The following ACSL3 variants were observed in gnomAD, a reference collection of about 807,000 sequenced individuals.
ACSL3 encodes the protein acyl-CoA synthetase long chain family member 3.
ACSL3 carries 34 observed loss-of-function variants against 84.7 expected under a neutral mutation model. That is an observed-to-expected ratio of 0.40 (90% CI 0.31 to 0.53). The LOEUF is 0.53. Ranked by LOEUF, ACSL3 falls within the 20% of genes least tolerant of loss-of-function variation. ACSL3 has a pLI of 0.48. For synonymous variants in ACSL3, 315 were observed against 299.4 expected, an observed-to-expected ratio of 1.05 and a Z score of -0.54; for missense variants, 680 against 873.1, an observed-to-expected ratio of 0.78 and a Z score of 2.79.
At chr2:222,910,553 T>C (rs748119136) in intron 4 of ACSL3, among the ~76,000 whole-genome samples, 5 of 152,188 alleles carry the variant, frequency 3.3e-5, no homozygotes, top group Non-Finnish European at 7.4e-5. Context: ...ACCTCCTCTA[T>C]ATATGGCCCA....
chr2:222,861,978 C>G (rs370408246), intron 1 of ACSL3, among the ~76,000 whole-genome samples: 7 of 152,192 alleles, frequency 4.6e-5, no homozygotes, highest in African/African-American at 1.7e-4. Context: ...CACAGGTTTT[C>G]AAATGGTTTT....
intron 2 of ACSL3, among the ~76,000 whole-genome samples, chr2:222,888,320 C>T (rs1230869241): frequency 1.3e-5 from 2 of 152,126 alleles, no homozygotes; most frequent in Non-Finnish European, 2.9e-5. Flanking sequence ...TTACAGTTGT[C>T]ATGGGGCATA....
intron 11 of ACSL3, among the ~76,000 whole-genome samples, chr2:222,926,023 C>G (rs1412092521): frequency 2.6e-5 from 4 of 152,074 alleles, no homozygotes. Flanking sequence ...TTAGTTATTT[C>G]TTCAGTGAGT....
intron 1 of ACSL3, among the ~76,000 whole-genome samples, chr2:222,880,859 G>C (rs1207819922): frequency 6.6e-6 from 1 of 150,778 alleles, no homozygotes; most frequent in Non-Finnish European, 1.5e-5. Flanking sequence ...AAAAAAACCT[G>C]TCTATTTTTA....
chr2:222,910,258 ACTTC>A (rs1385576909), intron 4 of ACSL3, among the ~76,000 whole-genome samples: 2 of 152,234 alleles, frequency 1.3e-5, no homozygotes, highest in Non-Finnish European at 2.9e-5. Context: ...TGGATATGTG[ACTTC>A]CTTATGAGCA....
At chr2:222,923,977 A>G (rs1696807539) in intron 10 of ACSL3, among the ~76,000 whole-genome samples, 1 of 152,220 alleles carries the variant, frequency 6.6e-6, no homozygotes, top group Non-Finnish European at 1.5e-5. Context: ...CAATATCGAA[A>G]GTCAAATAGC....
chr2:222,926,701 A>G (rs1696883315), intron 11 of ACSL3, among the ~76,000 whole-genome samples: 2 of 152,180 alleles, frequency 1.3e-5, no homozygotes. Context: ...AATATATGAT[A>G]AATATTTTAT....
At position 222,941,851 on chromosome 2, in the gene ACSL3, C is replaced by A; in HGVS notation, c.*197C>A. ...TTGTGTCTGTCTCTTCTTTCATTTTCCCCGCCACCAACTTACTTTACCACC... is the reference window on the plus strand; with the variant it reads ...TTGTGTCTGTCTCTTCTTTCATTTTACCCGCCACCAACTTACTTTACCACC... On this transcript the variant is annotated 3_prime_UTR_variant, in exon 17 of 17. Transcript: ENST00000357430. 1.9e-6 allele frequency: 1 copy of A among 530,118 alleles called. No individual in the cohort carries two copies. Among genetic ancestry groups the A allele is most frequent in the Non-Finnish European group, 3.1e-6 (1 of 322,832 alleles). 32.8% of individuals were successfully genotyped at this position (530,118 alleles called of 1,614,324 possible).
intron 2 of ACSL3, among the ~76,000 whole-genome samples, 188 bp from the exon 3 acceptor site, chr2:222,900,486 T>G (rs970761242): frequency 7.2e-5 from 11 of 152,188 alleles, no homozygotes; most frequent in African/African-American, 2.4e-4. Flanking sequence ...TGTGTATATT[T>G]GGATGACTCA....
intron 1 of ACSL3, among the ~76,000 whole-genome samples, chr2:222,872,569 G>A (rs945295870): frequency 6.6e-6 from 1 of 152,202 alleles, no homozygotes; most frequent in Non-Finnish European, 1.5e-5. Flanking sequence ...ACCAAGGATA[G>A]AATGATGAAT....
intron 4 of ACSL3, among the ~76,000 whole-genome samples, chr2:222,909,432 C>T (rs947572012): frequency 1.3e-5 from 2 of 152,174 alleles, no homozygotes; most frequent in African/African-American, 2.4e-5. Context: ...ACCATACTCC[C>T]TGTCTCTAGA....
intron 1 of ACSL3, among the ~76,000 whole-genome samples, chr2:222,868,696 C>G (rs1279099758): frequency 2.0e-5 from 3 of 152,070 alleles, no homozygotes; most frequent in African/African-American, 7.2e-5. Flanking sequence ...CCTTTAATCC[C>G]AGCACTTTGG....
At chr2:222,872,839 A>G (rs913564725) in intron 1 of ACSL3, among the ~76,000 whole-genome samples, 1 of 151,250 alleles carries the variant, frequency 6.6e-6, no homozygotes, top group Non-Finnish European at 1.5e-5. Flanking sequence ...GCTTGAAGCA[A>G]TGTGGGGTGG....
Position 222,908,770 on chromosome 2 carries a change from C to G in ACSL3, c.-3C>G. On this transcript the variant is annotated 5_prime_UTR_variant, in exon 4 of 17. Coordinates refer to ENST00000357430, the MANE Select transcript of ACSL3 (RefSeq NM_004457.5). ...GTCTGTTAATTCTACTTTTTGAGTACTTATGAATAACCACGTGTCTTCAAA... is the reference window on the plus strand; with the variant it reads ...GTCTGTTAATTCTACTTTTTGAGTAGTTATGAATAACCACGTGTCTTCAAA... 1 of 1,580,864 alleles carries G rather than the reference C, an allele frequency of 6.3e-7. No homozygotes were observed. Among genetic ancestry groups the G allele is most frequent in the African/African-American group, 1.4e-5 (1 of 72,660 alleles).
chr2:222,927,324 A>G (rs1045134642), intron 12 of ACSL3, 135 bp downstream of exon 12: 5 of 827,006 alleles, frequency 6.0e-6, no homozygotes, highest in African/African-American at 3.5e-5. Context: ...TCCAAGTACT[A>G]TGATCATTGA....
intron 2 of ACSL3, among the ~76,000 whole-genome samples, chr2:222,898,199 G>A (rs1051133869): frequency 4.6e-5 from 7 of 151,860 alleles, no homozygotes; most frequent in African/African-American, 1.5e-4. Flanking sequence ...ATTTATAGGC[G>A]CTCTTTGTAT....
At chr2:222,891,477 G>A (rs1695844331) in intron 2 of ACSL3, among the ~76,000 whole-genome samples, 1 of 152,110 alleles carries the variant, frequency 6.6e-6, no homozygotes, top group Non-Finnish European at 1.5e-5. Flanking sequence ...AACTGAAAAA[G>A]ATATATATTC....
In ACSL3 at chr2:222,921,111, G is replaced by A. The variant is rs768638316; in HGVS notation, c.806-169G>A. ...TCTCAATAGAATATATCTCCCATACGTGCAGGGACTTGATCTGTTTTGTTG... is the reference window on the plus strand; with the variant it reads ...TCTCAATAGAATATATCTCCCATACATGCAGGGACTTGATCTGTTTTGTTG... On this transcript the variant is annotated intron_variant, in intron 7 of 16. Transcript: ENST00000357430. 3.8e-5 allele frequency: 29 copies of A among 758,308 alleles called. 1 individual carries two copies. Among genetic ancestry groups the A allele is most frequent in the South Asian group, 2.1e-4 (14 of 67,908 alleles). 47.0% of individuals were successfully genotyped at this position (758,308 alleles called of 1,614,324 possible).
intron 1 of ACSL3, among the ~76,000 whole-genome samples, chr2:222,863,335 G>A (rs1435058297): frequency 6.6e-6 from 1 of 152,182 alleles, no homozygotes; most frequent in Non-Finnish European, 1.5e-5. Flanking sequence ...TGAAATCTGA[G>A]CCTGCAATTA....
Sources: allele counts gnomAD v4.1 joint callset (sites outside exome capture counted in the v4.1 genomes callset), GRCh38; gene constraint gnomAD v4.1.1; transcripts MANE v1.5; gene names NCBI Gene and HGNC (gene_info 2026-07-23, HGNC 2026-07-21).